The following USP40 variants were observed in gnomAD, a reference collection of about 807,000 sequenced individuals.
The protein encoded by USP40 is ubiquitin specific peptidase 40.
In USP40, 143 loss-of-function variants were observed where a neutral mutation model predicts 166.2. That is an observed-to-expected ratio of 0.86 (90% CI 0.75 to 0.99). The LOEUF is 0.99. Among genes scored for constraint, USP40 ranks in the 50% least tolerant of loss-of-function variants. USP40 has a pLI of 0.00. For synonymous variants in USP40, 498 were observed against 524.0 expected, an observed-to-expected ratio of 0.95 and a Z score of 0.68; for missense variants, 1,444 against 1,479.7, an observed-to-expected ratio of 0.98 and a Z score of 0.40.
chr2:233,561,002 C>A, intron 3 of USP40: 1 of 880,692 alleles, frequency 1.1e-6, no homozygotes, highest in East Asian at 2.6e-5. Context: ...AGGCAAATTC[C>A]ATTACCCATA....
intron 10 of USP40, among the ~76,000 whole-genome samples, 181 bp downstream of exon 10, chr2:233,540,481 A>G (rs1331665897): frequency 2.0e-5 from 3 of 152,198 alleles, no homozygotes; most frequent in Non-Finnish European, 4.4e-5. Context: ...TCTTGTTTCT[A>G]TGATAAATAA....
intron 17 of USP40, among the ~76,000 whole-genome samples, 190 bp downstream of exon 17, chr2:233,520,801 G>T (rs1292785170): frequency 6.6e-6 from 1 of 152,208 alleles, no homozygotes; most frequent in East Asian, 1.9e-4. Context: ...TAAAAGGCAC[G>T]TATTTTCTTG....
chr2:233,521,920 T>C (rs551837957), intron 16 of USP40, among the ~76,000 whole-genome samples: 2 of 152,358 alleles, frequency 1.3e-5, no homozygotes, highest in South Asian at 4.1e-4. Flanking sequence ...ACTTACTGTG[T>C]GTACTTTGTA....
In USP40 at chr2:233,502,950, TAAGAAG is replaced by T. The variant is rs548923249; in HGVS notation, c.2614-3041_2614-3036del. Among the ~76,000 whole-genome samples the T allele has an allele frequency of 4.5e-4, 68 of 152,138 alleles. 3 individuals are homozygous for T. The South Asian group carries it at 0.014, about 31-fold the overall frequency. The stretch of plus-strand genomic sequence containing the variant: ...TCAAGTAAATGTGAAGATATCAACA[TAAGAAG>T]ACAAGAAATATGAAGGGCCAAGGAA... On this transcript the variant is annotated intron_variant, in intron 21 of 31. Coordinates refer to ENST00000678225, the MANE Select transcript of USP40 (RefSeq NM_001365479.2).
Position 233,493,299 on chromosome 2 carries a change from A to T in USP40, c.2917+126T>A. The T allele has an allele frequency of 7.6e-7, 1 of 1,317,338 alleles. No homozygotes were observed. Among genetic ancestry groups the T allele is most frequent in the Non-Finnish European group, 1.1e-6 (1 of 947,744 alleles). 81.6% of individuals were successfully genotyped at this position (1,317,338 alleles called of 1,614,324 possible). ...GATGTCTGGAATGACTTATGAAATTAATAGGTCTTGATTTTCAAGATCTTA... is the reference window on the plus strand; with the variant it reads ...GATGTCTGGAATGACTTATGAAATTTATAGGTCTTGATTTTCAAGATCTTA... On this transcript the variant is annotated intron_variant, in intron 25 of 31. Transcript: ENST00000678225. The surrounding 1 kb of genome is among the most constrained non-coding windows in gnomAD (Gnocchi z 4.7).
At chr2:233,488,411 T>C (rs1011606930) in intron 27 of USP40, 107 bp from the exon 28 acceptor site, 8 of 1,067,188 alleles carry the variant, frequency 7.5e-6, no homozygotes, top group East Asian at 2.6e-5. Flanking sequence ...AATTGTTTTC[T>C]GAGTACTTAT....
At chr2:233,481,823 C>A (rs3796092) in intron 30 of USP40, among the ~76,000 whole-genome samples, 19,773 of 152,244 alleles carry the variant, frequency 0.13, 1,398 homozygotes, top group African/African-American at 0.2. Context: ...ACTGGGCAAG[C>A]CTCCTCCCTT....
At chr2:233,528,573 T>A (rs753266713) in intron 12 of USP40, among the ~76,000 whole-genome samples, 2 of 152,226 alleles carry the variant, frequency 1.3e-5, no homozygotes, top group African/African-American at 4.8e-5. Context: ...TTTTTATTTT[T>A]ATTTTTTTAA....
chr2:233,492,901 G>A (rs184725651), intron 25 of USP40: 1 of 156,760 alleles, frequency 6.4e-6, no homozygotes, highest in Non-Finnish European at 1.4e-5. Flanking sequence ...CGTGATGTGT[G>A]CGGCTGAGTG....
At chr2:233,530,655 C>G (rs912105853) in intron 11 of USP40, among the ~76,000 whole-genome samples, 3 of 152,206 alleles carry the variant, frequency 2.0e-5, no homozygotes, top group African/African-American at 7.2e-5. Context: ...TGGGGCATCT[C>G]ACTAATGTTC....
rs201966113 is a variant in USP40 at position 233,485,850 on chromosome 2, C to T, written c.3325G>A (p.Asp1109Asn). Residue 1109 changes from aspartate to asparagine, a missense_variant, in exon 29 of 32, where the codon GAT becomes AAT. Physicochemically the swap from Asp to Asn is conservative, Grantham distance 23 (BLOSUM62 1). Coordinates refer to ENST00000678225, the MANE Select transcript of USP40 (RefSeq NM_001365479.2). ...TAGSLRQRVA[D>N]FYRLPVEKIE... is the part of the protein sequence containing the mutation. ...TTCTCCACGGGAAGACGATAGAAAT[C>T]GGCAACTCTCTGCCTCAGGGAGCCG... is the stretch of plus-strand genomic sequence containing the variant. 8.7e-6 allele frequency: 14 copies of T among 1,610,266 alleles called. No individual in the cohort carries two copies. The highest frequency in any genetic ancestry group is 8.4e-5 in the Admixed American group (5 of 59,460).
intron 30 of USP40, 65 bp from the exon 31 acceptor site, chr2:233,481,362 G>C: frequency 1.4e-6 from 2 of 1,435,568 alleles, no homozygotes; most frequent in Non-Finnish European, 1.9e-6. Flanking sequence ...TTTAAAAGAG[G>C]CATGTCTAAA....
intron 21 of USP40, among the ~76,000 whole-genome samples, chr2:233,500,464 T>C (rs897455490): frequency 1.3e-4 from 20 of 152,198 alleles, no homozygotes; most frequent in African/African-American, 4.6e-4. Context: ...AAAATAGTAA[T>C]TAAAACAATT....
intron 8 of USP40, among the ~76,000 whole-genome samples, chr2:233,548,170 A>G (rs1318892968): frequency 6.6e-6 from 1 of 152,168 alleles, no homozygotes; most frequent in East Asian, 1.9e-4. Context: ...GTGGAAAAAA[A>G]TCCTTCTTAC....
chr2:233,481,548 T>C (rs2064591295), intron 30 of USP40: 7 of 506,564 alleles, frequency 1.4e-5, no homozygotes, highest in African/African-American at 9.7e-5. Context: ...AAGCTTCCAC[T>C]GCGAGTGGCC....
At chr2:233,505,091 AG>A (rs2066328826) in intron 21 of USP40, among the ~76,000 whole-genome samples, 1 of 152,136 alleles carries the variant, frequency 6.6e-6, no homozygotes, top group Non-Finnish European at 1.5e-5. Context: ...ACGCTTCCAA[AG>A]AACCAATAAG....
At chr2:233,525,376 T>C (rs2067942724) in intron 14 of USP40, 102 bp downstream of exon 14, 1 of 724,348 alleles carries the variant, frequency 1.4e-6, no homozygotes, top group South Asian at 2.1e-5. Context: ...GTTAAGAAAG[T>C]AGTAGGTGGG....
intron 18 of USP40, among the ~76,000 whole-genome samples, chr2:233,518,251 T>TAAAAAA (rs1156279626): frequency 2.0e-5 from 1 of 49,830 alleles, no homozygotes; most frequent in African/African-American, 8.8e-5. Context: ...TAACAGATTC[T>TAAAAAA]AAAAAAAAAA....
chr2:233,560,940 T>C (rs1376413903), intron 3 of USP40: 3 of 690,766 alleles, frequency 4.3e-6, no homozygotes, highest in South Asian at 3.2e-5. Context: ...GAGTGTTACA[T>C]GTTTATAAAG....
Sources: allele counts gnomAD v4.1 joint callset (sites outside exome capture counted in the v4.1 genomes callset), GRCh38; gene constraint gnomAD v4.1.1; non-coding constraint Gnocchi (gnomAD v3.1); transcripts MANE v1.5; gene names NCBI Gene and HGNC (gene_info 2026-07-23, HGNC 2026-07-21).